The following BRINP3 variants were observed in gnomAD, a reference collection of about 807,000 sequenced individuals.
BRINP3 encodes the protein BMP/retinoic acid-inducible neural-specific protein 3.
A neutral mutation model predicts 71.0 loss-of-function variants in BRINP3; 19 were observed. The ratio of observed to expected loss-of-function variants is 0.27; its 90% confidence interval spans 0.19 to 0.39. The LOEUF (loss-of-function observed/expected upper bound fraction) is 0.39, where lower values mean the gene tolerates loss of function less well. BRINP3 is among the 10% of genes least tolerant of loss of function. The pLI, the probability that BRINP3 is intolerant of heterozygous loss-of-function variation, is 1.00. For missense variants in BRINP3, 959 were observed against 940.8 expected (o/e 1.02, Z -0.25); for synonymous variants, 380 against 337.7 (o/e 1.13, Z -1.37).
At chr1:190,449,291 G>T (rs532759759) in intron 2 of BRINP3, among the ~76,000 whole-genome samples, 1 of 151,412 alleles carries the variant, frequency 6.6e-6, no homozygotes, top group South Asian at 2.1e-4. Context: ...TTTTCTTGCC[G>T]TATGGTCTTC....
At chr1:190,212,843 A>T (rs941170300) in intron 6 of BRINP3, among the ~76,000 whole-genome samples, 2 of 152,154 alleles carry the variant, frequency 1.3e-5, no homozygotes, top group African/African-American at 4.8e-5. Flanking sequence ...AAGAGACTCC[A>T]GCTAACCTGT....
At chr1:190,336,081 C>T (rs1185450363) in intron 2 of BRINP3, among the ~76,000 whole-genome samples, 1 of 151,854 alleles carries the variant, frequency 6.6e-6, no homozygotes, top group African/African-American at 2.4e-5. Flanking sequence ...CCTCTGTTTC[C>T]CATAACGAAA....
chr1:190,447,619 T>C (rs1161227081), intron 2 of BRINP3, among the ~76,000 whole-genome samples: 1 of 146,712 alleles, frequency 6.8e-6, no homozygotes, highest in African/African-American at 2.5e-5. Context: ...TCTCTCTCTC[T>C]CTCTATATAT....
At chr1:190,324,455 G>A (rs1666451766) in intron 2 of BRINP3, among the ~76,000 whole-genome samples, 1 of 151,698 alleles carries the variant, frequency 6.6e-6, no homozygotes, top group Admixed American at 6.6e-5. Context: ...TCAATAATAA[G>A]TTACCTTGGG....
intron 6 of BRINP3, among the ~76,000 whole-genome samples, chr1:190,198,868 G>C (rs1438596064): frequency 6.6e-6 from 1 of 152,040 alleles, no homozygotes; most frequent in Non-Finnish European, 1.5e-5. Flanking sequence ...CAGTTCCAAA[G>C]TCACTTCCAC....
intron 3 of BRINP3, among the ~76,000 whole-genome samples, 184 bp downstream of exon 3, chr1:190,281,376 T>A (rs1164472030): frequency 6.6e-6 from 1 of 152,034 alleles, no homozygotes; most frequent in Non-Finnish European, 1.5e-5. Context: ...AATATTCATC[T>A]GCTTCACAAC....
Position 190,435,385 on chromosome 1 carries a change from C to G in BRINP3, c.236+19270G>C, listed in dbSNP as rs377321984. On this transcript the variant is annotated intron_variant, in intron 2 of 7. Transcript: ENST00000367462. Reference sequence around the variant, plus strand: ...ACAACTTTCAGATTACATTACTGAACTGTGTCAGGATTTCCAGAACTCATT... The same window carrying G: ...ACAACTTTCAGATTACATTACTGAAGTGTGTCAGGATTTCCAGAACTCATT... Among the ~76,000 whole-genome samples the G allele has an allele frequency of 5.9e-5, 9 of 151,838 alleles. 1 individual carries two copies. The highest frequency in any genetic ancestry group is 2.2e-4 in the African/African-American group (9 of 41,376).
intron 3 of BRINP3, among the ~76,000 whole-genome samples, chr1:190,281,112 C>G (rs767351257): frequency 2.0e-5 from 3 of 151,688 alleles, no homozygotes; most frequent in African/African-American, 7.3e-5. Flanking sequence ...TCACTTTTTC[C>G]GTACCAGCTA....
rs531417592 is a variant in BRINP3 at position 190,448,146 on chromosome 1, T to A, written c.236+6509A>T. Among the ~76,000 whole-genome samples, 5 of 151,884 alleles carry A rather than the reference T, an allele frequency of 3.3e-5. No individual in the cohort carries two copies. The South Asian group carries it at 1.0e-3, about 31-fold the overall frequency. On this transcript the variant is annotated intron_variant, in intron 2 of 7. Transcript: ENST00000367462. ...AATATCCTTAGAAAATAAAACAATA[T>A]GTAGTACTATTAAAACTGAATTCTC... is the stretch of plus-strand genomic sequence containing the variant.
intron 2 of BRINP3, among the ~76,000 whole-genome samples, chr1:190,410,957 A>G (rs982160567): frequency 7.9e-5 from 12 of 152,146 alleles, no homozygotes; most frequent in South Asian, 2.1e-4. Context: ...GAAACTTGAA[A>G]GCTCATTTTA....
intron 2 of BRINP3, among the ~76,000 whole-genome samples, chr1:190,423,356 G>A (rs1314301999): frequency 6.6e-6 from 1 of 151,752 alleles, no homozygotes; most frequent in Non-Finnish European, 1.5e-5. Context: ...GAATGGAACA[G>A]AGTCTAAGGC....
intron 4 of BRINP3, among the ~76,000 whole-genome samples, chr1:190,246,923 A>C (rs1183826300): frequency 1.3e-5 from 2 of 152,018 alleles, no homozygotes; most frequent in Non-Finnish European, 2.9e-5. Flanking sequence ...GAAAAATTAC[A>C]GGAATCTCAC....
chr1:190,311,925 T>C (rs988955852), intron 2 of BRINP3, among the ~76,000 whole-genome samples: 4 of 149,682 alleles, frequency 2.7e-5, no homozygotes, highest in African/African-American at 7.3e-5. Context: ...CCTAGAGGCA[T>C]GTTGATCATA....
intron 2 of BRINP3, among the ~76,000 whole-genome samples, chr1:190,443,273 C>T (rs554474733): frequency 6.6e-6 from 1 of 151,242 alleles, no homozygotes; most frequent in Admixed American, 6.6e-5. Context: ...GGCATTGTGG[C>T]GGGCGCCTGT....
At chr1:190,135,243 A>G (rs1315008659) in intron 7 of BRINP3, among the ~76,000 whole-genome samples, 1 of 152,090 alleles carries the variant, frequency 6.6e-6, no homozygotes, top group Non-Finnish European at 1.5e-5. Flanking sequence ...CTGCCATGAT[A>G]GAATTTTTAA....
intron 2 of BRINP3, among the ~76,000 whole-genome samples, chr1:190,443,076 C>A (rs1674943289): frequency 6.6e-6 from 1 of 151,666 alleles, no homozygotes; most frequent in Non-Finnish European, 1.5e-5. Flanking sequence ...CTGCACCCGT[C>A]TACATTTTGT....
At chr1:190,289,419 T>C (rs1472012074) in intron 2 of BRINP3, among the ~76,000 whole-genome samples, 3 of 151,996 alleles carry the variant, frequency 2.0e-5, no homozygotes, top group African/African-American at 7.2e-5. Context: ...CTTAATTTTA[T>C]GTCTTTCATA....
chr1:190,254,647 T>C (rs1660479658), intron 4 of BRINP3, among the ~76,000 whole-genome samples: 1 of 152,248 alleles, frequency 6.6e-6, no homozygotes, highest in Non-Finnish European at 1.5e-5. Flanking sequence ...TTGCTGAAGT[T>C]GCTTATCAGC....
chr1:190,411,913 T>C (rs1343411212), intron 2 of BRINP3, among the ~76,000 whole-genome samples: 5 of 152,158 alleles, frequency 3.3e-5, no homozygotes, highest in Non-Finnish European at 7.4e-5. Flanking sequence ...GGAACAGATA[T>C]GAGGAGTGGA....
Sources: gnomAD v4.1 joint callset for allele counts (sites outside exome capture counted in the v4.1 genomes callset) on GRCh38, gnomAD v4.1.1 for gene constraint, MANE v1.5 for transcripts, NCBI Gene and HGNC (gene_info 2026-07-23, HGNC 2026-07-21) for gene names.